The following EBF2 variants were observed in gnomAD, a reference collection of about 807,000 sequenced individuals.
EBF2 encodes transcription factor COE2.
EBF2 carries 21 observed loss-of-function variants against 72.8 expected under a neutral mutation model. That is an observed-to-expected ratio of 0.29 (90% confidence interval 0.20 to 0.42). The LOEUF (loss-of-function observed/expected upper bound fraction) is 0.42, where lower values mean the gene tolerates loss of function less well. Among genes scored for constraint, EBF2 ranks in the 10% least tolerant of loss-of-function variants. The pLI, the probability that EBF2 is intolerant of heterozygous loss-of-function variation, is 1.00. For synonymous variants in EBF2, 299 were observed against 274.2 expected (o/e 1.09, Z -0.89); for missense variants, 637 against 731.2 (o/e 0.87, Z 1.49).
intron 6 of EBF2, among the ~76,000 whole-genome samples, chr8:26,029,315 C>T (rs1805354858): frequency 6.6e-6 from 1 of 152,182 alleles, no homozygotes; most frequent in Non-Finnish European, 1.5e-5. Context: ...CACTGATTAT[C>T]TCATCCCAAT....
At position 25,916,717 on chromosome 8, in the gene EBF2, T is replaced by A. The variant is rs368335744; in HGVS notation, c.552-8162A>T. Among the ~76,000 whole-genome samples the A allele has an allele frequency of 3.3e-5, 5 of 152,190 alleles. No individual in the cohort carries two copies. The South Asian group carries it at 1.0e-3, about 32-fold the overall frequency. On this transcript the variant is annotated intron_variant, in intron 6 of 15. Coordinates refer to ENST00000520164, the MANE Select transcript of EBF2 (RefSeq NM_022659.4). ...AAAACAACATCAAAAACACAAAAAATGGTCGATGGGAGTCCTCATTCCTGT... is the reference window on the plus strand; with the variant it reads ...AAAACAACATCAAAAACACAAAAAAAGGTCGATGGGAGTCCTCATTCCTGT...
intron 7 of EBF2, among the ~76,000 whole-genome samples, chr8:25,901,616 C>A (rs887879380): frequency 1.3e-5 from 2 of 152,084 alleles, no homozygotes; most frequent in South Asian, 2.1e-4. Flanking sequence ...AGCATTCAGG[C>A]CTCTAAGCTT....
At chr8:25,952,121 T>C (rs888921059) in intron 6 of EBF2, among the ~76,000 whole-genome samples, 1 of 151,978 alleles carries the variant, frequency 6.6e-6, no homozygotes, top group Non-Finnish European at 1.5e-5. Flanking sequence ...AGTGAGACCG[T>C]GTATCTACAA....
At chr8:25,895,711 G>T (rs990228851) in intron 7 of EBF2, among the ~76,000 whole-genome samples, 5 of 152,160 alleles carry the variant, frequency 3.3e-5, no homozygotes, top group African/African-American at 9.7e-5. Context: ...TTTCCTGCTA[G>T]TAAAAGGCCA....
At chr8:25,959,559 T>A (rs6981140) in intron 6 of EBF2, among the ~76,000 whole-genome samples, 1 of 152,312 alleles carries the variant, frequency 6.6e-6, no homozygotes, top group Admixed American at 6.5e-5. Context: ...AACGGCCATT[T>A]TTCTTCCCAT....
chr8:25,956,756 C>T (rs1440949205), intron 6 of EBF2, among the ~76,000 whole-genome samples: 2 of 152,214 alleles, frequency 1.3e-5, no homozygotes, highest in African/African-American at 2.4e-5. Flanking sequence ...GTGATGGCGA[C>T]ATTTTAATAT....
At chr8:25,954,765 G>T (rs879549863) in intron 6 of EBF2, among the ~76,000 whole-genome samples, 2 of 152,206 alleles carry the variant, frequency 1.3e-5, no homozygotes, top group East Asian at 1.9e-4. Context: ...AAGCCCTCGC[G>T]GCTCCCCAAG....
At position 26,042,130 on chromosome 8, in the gene EBF2, G is replaced by C; in HGVS notation, c.253C>G (p.Arg85Gly). The part of the protein sequence containing the change: ...DRQGQPVEIE[R>G]TAFVDFVEND... ...TCCACAAAGTCCACGAAGGCCGTCC[G>C]CTCGATCTCCACCGGCTGGCCCTGC... Residue 85 changes from arginine (R) to glycine (G), a missense_variant, in exon 2 of 16, where the codon CGG becomes GGG. Physicochemically the swap from Arg to Gly is moderately radical, Grantham distance 125 (BLOSUM62 -2). Coordinates refer to ENST00000520164, the MANE Select transcript of EBF2 (RefSeq NM_022659.4). 1.2e-6 allele frequency: 2 copies of C among 1,613,644 alleles called. No homozygotes were observed. Among genetic ancestry groups the C allele is most frequent in the Non-Finnish European group, 1.7e-6 (2 of 1,179,860 alleles).
At chr8:25,860,080 A>C (rs2117260843) in intron 13 of EBF2, among the ~76,000 whole-genome samples, 1 of 152,284 alleles carries the variant, frequency 6.6e-6, no homozygotes, top group African/African-American at 2.4e-5. Flanking sequence ...CTTCCAACAA[A>C]TAAAATTAGA....
chr8:25,925,545 C>T (rs1803371922), intron 6 of EBF2, among the ~76,000 whole-genome samples: 1 of 152,192 alleles, frequency 6.6e-6, no homozygotes, highest in South Asian at 2.1e-4. Context: ...CCCCAACCCA[C>T]CATCACATTA....
intron 6 of EBF2, among the ~76,000 whole-genome samples, chr8:26,009,090 T>C (rs1804933618): frequency 7.9e-6 from 1 of 127,314 alleles, no homozygotes; most frequent in Admixed American, 9.2e-5. Context: ...ATTTTTAAGT[T>C]ATCCATGAGT....
At chr8:25,874,308 T>C (rs571258950) in intron 10 of EBF2, among the ~76,000 whole-genome samples, 1 of 152,242 alleles carries the variant, frequency 6.6e-6, no homozygotes, top group African/African-American at 2.4e-5. Flanking sequence ...GGGTATGATT[T>C]GGGGGTGTGT....
intron 15 of EBF2, among the ~76,000 whole-genome samples, chr8:25,846,670 C>T (rs1394552593): frequency 6.6e-6 from 1 of 152,148 alleles, no homozygotes; most frequent in African/African-American, 2.4e-5. Flanking sequence ...ACCTGTGTGA[C>T]AGAGTGAGAC....
At chr8:25,906,438 C>T (rs1803032506) in intron 7 of EBF2, among the ~76,000 whole-genome samples, 1 of 152,084 alleles carries the variant, frequency 6.6e-6, no homozygotes, top group Non-Finnish European at 1.5e-5. Flanking sequence ...GTTTGATCCC[C>T]CAAGAAGGCT....
At chr8:25,963,092 T>C (rs969090573) in intron 6 of EBF2, among the ~76,000 whole-genome samples, 2 of 152,236 alleles carry the variant, frequency 1.3e-5, no homozygotes, top group African/African-American at 4.8e-5. Flanking sequence ...TGAACTTGTG[T>C]ATCCCGTTCC....
Position 25,961,659 on chromosome 8 carries a change from C to T in EBF2, c.552-53104G>A, listed in dbSNP as rs2117179385. Among the ~76,000 whole-genome samples the T allele has an allele frequency of 2.0e-5, 3 of 152,270 alleles. No homozygotes were observed. The South Asian group carries it at 6.2e-4, about 32-fold the overall frequency. ...TACAGGTATGAACTACCGCGCCCAG[C>T]CCTAATGTGAGGTGTTAAGAAAAAA... On this transcript the variant is annotated intron_variant, in intron 6 of 15. Coordinates refer to ENST00000520164, the MANE Select transcript of EBF2 (RefSeq NM_022659.4).
At chr8:25,950,833 T>C (rs1803848087) in intron 6 of EBF2, among the ~76,000 whole-genome samples, 2 of 151,996 alleles carry the variant, frequency 1.3e-5, no homozygotes, top group African/African-American at 2.4e-5. Context: ...TGTTAACTAA[T>C]GAGTTAAATC....
At chr8:26,001,238 G>C (rs1258760614) in intron 6 of EBF2, among the ~76,000 whole-genome samples, 2 of 152,140 alleles carry the variant, frequency 1.3e-5, no homozygotes, top group Non-Finnish European at 2.9e-5. Context: ...CATACAGTCT[G>C]TGTCTTATAA....
chr8:25,982,313 G>A (rs17817333), intron 6 of EBF2, among the ~76,000 whole-genome samples: 32,273 of 152,232 alleles, frequency 0.21, 4,180 homozygotes, highest in Non-Finnish European at 0.29. Flanking sequence ...CTGAACTGCT[G>A]ATTCTCCCAG....
Sources: allele counts gnomAD v4.1 joint callset (sites outside exome capture counted in the v4.1 genomes callset), GRCh38; gene constraint gnomAD v4.1.1; transcripts MANE v1.5; gene names NCBI Gene and HGNC (gene_info 2026-07-23, HGNC 2026-07-21).